Variants in SIK3 observed in about 807,000 individuals in gnomAD.
SIK3 encodes the protein serine/threonine-protein kinase SIK3.
SIK3 carries 28 observed loss-of-function variants against 144.2 expected under a neutral mutation model. The observed-to-expected ratio is 0.19, with a 90% CI of 0.14 to 0.27. The LOEUF is 0.27. Ranked by LOEUF, SIK3 falls within the 10% of genes least tolerant of loss-of-function variation. SIK3 has a pLI of 1.00. For synonymous variants in SIK3, 686 were observed against 676.3 expected, an observed-to-expected ratio of 1.01 and a Z score of -0.22; for missense variants, 1,319 against 1,776.0, an observed-to-expected ratio of 0.74 and a Z score of 4.62.
chr11:116,917,748 A>C (rs1451569696), intron 4 of SIK3, among the ~76,000 whole-genome samples: 4 of 147,204 alleles, frequency 2.7e-5, no homozygotes, highest in Admixed American at 2.7e-4. Context: ...AGAGAGAGAG[A>C]GAGGAAAGAG....
intron 15 of SIK3, 74 bp from the exon 16 acceptor site, chr11:116,863,892 C>T: frequency 1.4e-6 from 2 of 1,438,950 alleles, no homozygotes; most frequent in Non-Finnish European, 1.9e-6. Flanking sequence ...GACTGCTGTT[C>T]CAGATGAACA....
rs569210948 is a variant in SIK3, at chr11:116,974,591, G to A, written c.274-17527C>T. Among the ~76,000 whole-genome samples, 7 of 152,172 alleles carry A rather than the reference G, an allele frequency of 4.6e-5. No homozygotes were observed. The East Asian group carries it at 1.2e-3, about 25-fold the overall frequency. On this transcript the variant is annotated intron_variant, in intron 1 of 24. Transcript: ENST00000445177. ...GTTTGTTTGTTTTTGTAGAGACAGT[G>A]TCTTGTTATATTGCCCAGGCTGGAC...
intron 1 of SIK3, among the ~76,000 whole-genome samples, chr11:117,067,886 T>C (rs546020738): frequency 1.3e-5 from 2 of 150,426 alleles, no homozygotes; most frequent in Non-Finnish European, 3.0e-5. Context: ...ACTGGGGAGG[T>C]TGAGGCAGAA....
intron 3 of SIK3, among the ~76,000 whole-genome samples, chr11:116,942,723 G>A (rs918243953): frequency 3.3e-5 from 5 of 152,176 alleles, no homozygotes; most frequent in African/African-American, 1.2e-4. Context: ...GGAGCACAGC[G>A]AAGGGTTTAA....
In SIK3 at chr11:116,858,615, G is replaced by A. The variant is rs1943120166; in HGVS notation, c.2850C>T (p.Ser950=). The change falls in exon 21 of 25, where the codon TCC becomes TCT. Residue 950 remains serine, a synonymous_variant. Transcript: ENST00000445177. The surrounding 1 kb of genome is among the most constrained non-coding windows in gnomAD (Gnocchi z 5.4). ...PHLFSDQSRG[S]PSSYSPSTGV... Reference sequence around the variant, plus strand: ...CTGTTGAAGGGCTGTAGCTGCTGGGGGAACCCCGGGACTGGTCCGAAAACA... The same window carrying A: ...CTGTTGAAGGGCTGTAGCTGCTGGGAGAACCCCGGGACTGGTCCGAAAACA... 2 of 1,611,418 alleles carry A rather than the reference G, an allele frequency of 1.2e-6. No individual in the cohort carries two copies. The highest frequency in any genetic ancestry group is 1.7e-6 in the Non-Finnish European group (2 of 1,178,688).
chr11:116,937,169 G>C (rs1179389750), intron 3 of SIK3, among the ~76,000 whole-genome samples: 1 of 152,196 alleles, frequency 6.6e-6, no homozygotes, highest in Non-Finnish European at 1.5e-5. Context: ...ATGAAGCACT[G>C]CAAGACGTAG....
intron 1 of SIK3, among the ~76,000 whole-genome samples, chr11:117,059,208 A>C (rs1158269148): frequency 6.6e-6 from 1 of 152,356 alleles, no homozygotes; most frequent in East Asian, 1.9e-4. Context: ...TGGGAGAAGA[A>C]AGACCAAGTC....
intron 4 of SIK3, among the ~76,000 whole-genome samples, chr11:116,925,437 G>T (rs1272909253): frequency 6.6e-6 from 1 of 152,184 alleles, no homozygotes; most frequent in Admixed American, 6.5e-5. Context: ...GAATGCAGGT[G>T]ACCTTTAGAA....
At chr11:116,863,033 C>T (rs577776492) in intron 16 of SIK3, among the ~76,000 whole-genome samples, 1 of 150,914 alleles carries the variant, frequency 6.6e-6, no homozygotes, top group East Asian at 2.0e-4. Context: ...GAGATTGTGC[C>T]ACTGCACTCC....
At chr11:116,931,309 A>G (rs191378598) in intron 3 of SIK3, among the ~76,000 whole-genome samples, 32 of 152,370 alleles carry the variant, frequency 2.1e-4, no homozygotes, top group Non-Finnish European at 3.8e-4. Context: ...GGAAGAAAAT[A>G]TCTTGTGGTA....
At chr11:117,034,967 T>C (rs1952430121) in intron 1 of SIK3, among the ~76,000 whole-genome samples, 1 of 152,236 alleles carries the variant, frequency 6.6e-6, no homozygotes, top group Non-Finnish European at 1.5e-5. Flanking sequence ...AAGGTTGTGA[T>C]GTTACCATGT....
intron 1 of SIK3, among the ~76,000 whole-genome samples, chr11:117,031,906 TGTGAA>T (rs1303188518): frequency 6.6e-6 from 1 of 152,100 alleles, no homozygotes; most frequent in African/African-American, 2.4e-5. Flanking sequence ...TATACAACTT[TGTGAA>T]TATAATAAAA....
At chr11:117,063,948 G>A (rs571651430) in intron 1 of SIK3, among the ~76,000 whole-genome samples, 7 of 151,886 alleles carry the variant, frequency 4.6e-5, no homozygotes, top group Admixed American at 3.3e-4. Context: ...CAAATTGCAC[G>A]CTCCATATCT....
intron 1 of SIK3, among the ~76,000 whole-genome samples, chr11:117,031,299 T>C (rs955375424): frequency 6.6e-6 from 1 of 151,652 alleles, no homozygotes; most frequent in Non-Finnish European, 1.5e-5. Flanking sequence ...TACATTTAAG[T>C]CCATGATCCA....
At chr11:117,059,276 C>A (rs1397622044) in intron 1 of SIK3, among the ~76,000 whole-genome samples, 1 of 152,108 alleles carries the variant, frequency 6.6e-6, no homozygotes. Context: ...CATACAAAAT[C>A]ACAGAGTAAG....
At chr11:116,968,821 G>A (rs1312335830) in intron 1 of SIK3, among the ~76,000 whole-genome samples, 2 of 152,142 alleles carry the variant, frequency 1.3e-5, no homozygotes, top group Admixed American at 1.3e-4. Flanking sequence ...TAATAACATT[G>A]TGGGTTTTTA....
chr11:116,875,468 ACATATACACGC>A lies in SIK3; in HGVS notation c.1240-28_1240-18del, dbSNP rs1160690937. 2 of 1,612,040 alleles carry A rather than the reference ACATATACACGC, an allele frequency of 1.2e-6. No homozygotes were observed. The highest frequency in any genetic ancestry group is 4.5e-5 in the East Asian group (2 of 44,888). ...CTGCTCCGCCTGGAAAGCAGTACAT[ACATATACACGC>A]ATACCTTTAACACTAGAGAGAAATA... On this transcript the variant is annotated intron_variant, in intron 9 of 24. Transcript: ENST00000445177.
intron 11 of SIK3, among the ~76,000 whole-genome samples, chr11:116,874,603 G>C (rs1944146023): frequency 6.6e-6 from 1 of 152,236 alleles, no homozygotes. Flanking sequence ...AGTCTGTGGA[G>C]CCAGAATGTT....
Position 116,849,334 on chromosome 11 carries a change from C to T in SIK3, c.3656-51G>A, listed in dbSNP as rs369126811. On this transcript the variant is annotated intron_variant, in intron 21 of 24. Transcript: ENST00000445177. This position sits in a 1 kb window ranked among gnomAD's most constrained non-coding sequence, Gnocchi z 4.2. The stretch of plus-strand genomic sequence containing the variant: ...CAGTGGGGCGGAACTTCTCCCAGCA[C>T]TGGAAACTCCCATCCAAGAAATGTC... 2 of 1,604,936 alleles carry T rather than the reference C, an allele frequency of 1.2e-6. No homozygotes were observed. The highest frequency in any genetic ancestry group is 1.7e-6 in the Non-Finnish European group (2 of 1,173,640).
Sources: gnomAD v4.1 joint callset for allele counts (sites outside exome capture counted in the v4.1 genomes callset) on GRCh38, gnomAD v4.1.1 for gene constraint, Gnocchi (gnomAD v3.1) non-coding constraint, MANE v1.5 for transcripts, NCBI Gene and HGNC (gene_info 2026-07-23, HGNC 2026-07-21) for gene names.